The following WWOX variants were observed in gnomAD, a reference collection of about 807,000 sequenced individuals.
The protein encoded by WWOX is WW domain containing oxidoreductase.
A neutral mutation model predicts 46.2 loss-of-function variants in WWOX; 69 were observed. The observed-to-expected ratio is 1.49, with a 90% CI of 1.23 to 1.82. The LOEUF is 1.82. WWOX is among the 40% of genes most tolerant of loss of function. WWOX has a pLI of 0.00. For synonymous variants in WWOX, 359 were observed against 202.6 expected (o/e 1.77, Z -6.56); for missense variants, 919 against 542.6 (o/e 1.69, Z -6.89).
intron 8 of WWOX, among the ~76,000 whole-genome samples, chr16:79,025,258 G>T (rs956286209): frequency 6.6e-6 from 1 of 152,214 alleles, no homozygotes; most frequent in African/African-American, 2.4e-5. Flanking sequence ...ATCTGGGAAG[G>T]AGCTGTCCAT....
chr16:78,485,532 C>T (rs1039019847), intron 8 of WWOX, among the ~76,000 whole-genome samples: 27 of 152,298 alleles, frequency 1.8e-4, no homozygotes, highest in Middle Eastern at 3.4e-3. Flanking sequence ...CCCTTTCAAA[C>T]GTTATTCCAC....
rs1460025433 is a variant in WWOX, at chr16:78,350,942, A to G, written c.517-35918A>G. Among the ~76,000 whole-genome samples, 43 of 56,812 alleles carry G rather than the reference A, an allele frequency of 7.6e-4. 10 individuals carry two copies. Among genetic ancestry groups the G allele is most frequent in the Admixed American group, 6.7e-3 (43 of 6,406 alleles). The allele number at this position is 56,812 out of a possible 152,430, so 37.3% of individuals were successfully genotyped here. A position where few individuals can be genotyped will look rare whatever the true frequency, so the allele number is the denominator to read the frequency against. ...AGTGTAGGAAGGTTCCGATTTCTCC[A>G]TATCTTCACCAGCACTCGCTGTCAT... On this transcript the variant is annotated intron_variant, in intron 5 of 8. Coordinates refer to ENST00000566780, the MANE Select transcript of WWOX (RefSeq NM_016373.4).
At chr16:78,812,321 G>A (rs2051210536) in intron 8 of WWOX, among the ~76,000 whole-genome samples, 1 of 152,134 alleles carries the variant, frequency 6.6e-6, no homozygotes, top group South Asian at 2.1e-4. Flanking sequence ...TGGTGCCATT[G>A]GGTTTTGAGA....
At chr16:78,588,469 T>G (rs114738106) in intron 8 of WWOX, among the ~76,000 whole-genome samples, 3,262 of 152,306 alleles carry the variant, frequency 0.021, 131 homozygotes, top group African/African-American at 0.075. Context: ...CTGCCCTGTT[T>G]GGGCTCTGAA....
At chr16:79,080,623 T>G (rs2048743180) in intron 8 of WWOX, among the ~76,000 whole-genome samples, 1 of 152,184 alleles carries the variant, frequency 6.6e-6, no homozygotes, top group African/African-American at 2.4e-5. Context: ...CTGGACCCAG[T>G]ATCTACATTT....
rs1472262069 is a variant in WWOX, at chr16:78,491,567, A to G, written c.1056+58815A>G. ...AGCCTCCGCCTCCCAGGTTCAAGTG[A>G]TCCTCCTACCTCAGCCTCCTGAGTA... On this transcript the variant is annotated intron_variant, in intron 8 of 8. Coordinates refer to ENST00000566780, the MANE Select transcript of WWOX (RefSeq NM_016373.4). Among the ~76,000 whole-genome samples the G allele has an allele frequency of 4.6e-5, 7 of 152,108 alleles. No individual in the cohort carries two copies. In the East Asian group the frequency reaches 1.2e-3, roughly 25 times the overall value.
intron 5 of WWOX, among the ~76,000 whole-genome samples, chr16:78,273,144 T>C (rs929617771): frequency 6.6e-6 from 1 of 152,196 alleles, no homozygotes; most frequent in African/African-American, 2.4e-5. Flanking sequence ...CAAATCCTTC[T>C]CAAGTCTGTT....
At chr16:78,811,073 G>C (rs2051175969) in intron 8 of WWOX, among the ~76,000 whole-genome samples, 1 of 152,168 alleles carries the variant, frequency 6.6e-6, no homozygotes, top group South Asian at 2.1e-4. Context: ...CAGTGTGCCA[G>C]TAAGACAACT....
chr16:78,218,866 C>G (rs1243704057), intron 5 of WWOX, among the ~76,000 whole-genome samples: 1 of 152,204 alleles, frequency 6.6e-6, no homozygotes, highest in Non-Finnish European at 1.5e-5. Context: ...TTTTAAACTG[C>G]CACTTTTGTT....
chr16:78,825,341 C>T (rs1256923161), intron 8 of WWOX: 7 of 310,346 alleles, frequency 2.3e-5, no homozygotes, highest in East Asian at 1.5e-4. Context: ...CAAAGCTGAA[C>T]GGAATCAGTT....
intron 8 of WWOX, among the ~76,000 whole-genome samples, chr16:78,900,979 T>G (rs149788760): frequency 0.013 from 1,904 of 152,302 alleles, 29 homozygotes; most frequent in South Asian, 0.034. Context: ...TACCACAGTT[T>G]CCATGAGCGT....
chr16:79,027,706 C>T (rs755849016), intron 8 of WWOX, among the ~76,000 whole-genome samples: 5 of 151,810 alleles, frequency 3.3e-5, no homozygotes, highest in African/African-American at 9.7e-5. Context: ...CTTACTCTAC[C>T]CAAGTAATGA....
At chr16:78,442,089 A>T (rs1363382107) in intron 8 of WWOX, among the ~76,000 whole-genome samples, 1 of 151,602 alleles carries the variant, frequency 6.6e-6, no homozygotes, top group Non-Finnish European at 1.5e-5. Flanking sequence ...GTGAGCTATG[A>T]TGGTGCCCCT....
chr16:79,107,601 C>T (rs1190305719), intron 8 of WWOX, among the ~76,000 whole-genome samples: 2 of 152,144 alleles, frequency 1.3e-5, no homozygotes, highest in African/African-American at 2.4e-5. Flanking sequence ...TTGCTGGAGG[C>T]AGATCACACT....
chr16:78,875,820 G>C (rs1356644069), intron 8 of WWOX, among the ~76,000 whole-genome samples: 1 of 152,156 alleles, frequency 6.6e-6, no homozygotes, highest in Non-Finnish European at 1.5e-5. Context: ...TTGACTTACA[G>C]GTTTCTAGGG....
At chr16:78,751,370 G>C (rs965262476) in intron 8 of WWOX, among the ~76,000 whole-genome samples, 16 of 148,016 alleles carry the variant, frequency 1.1e-4, no homozygotes, top group African/African-American at 4.0e-4. Context: ...GAGGTGTATA[G>C]TAACACACCT....
At chr16:79,012,048 G>A (rs1404286045) in intron 8 of WWOX, among the ~76,000 whole-genome samples, 2 of 152,120 alleles carry the variant, frequency 1.3e-5, no homozygotes, top group Non-Finnish European at 2.9e-5. Context: ...ACTGTGTTGA[G>A]AATAAAGTGT....
At chr16:78,210,148 G>A (rs564670183) in intron 5 of WWOX, among the ~76,000 whole-genome samples, 4 of 152,098 alleles carry the variant, frequency 2.6e-5, no homozygotes, top group Admixed American at 6.5e-5. Context: ...TCATTACAAG[G>A]GTGATAGGTT....
At chr16:78,551,564 T>C (rs367800315) in intron 8 of WWOX, 16 of 152,314 alleles carry the variant, frequency 1.1e-4, no homozygotes, top group African/African-American at 3.6e-4. Flanking sequence ...TAAAGGATTC[T>C]GTCTGGTAGC....
Sources: gnomAD v4.1 joint callset for allele counts (sites outside exome capture counted in the v4.1 genomes callset) on GRCh38, gnomAD v4.1.1 for gene constraint, MANE v1.5 for transcripts, NCBI Gene and HGNC (gene_info 2026-07-23, HGNC 2026-07-21) for gene names.